Variants in CORO2B observed in about 807,000 individuals in gnomAD.
CORO2B encodes coronin-2B.
A neutral mutation model predicts 58.8 loss-of-function variants in CORO2B; 26 were observed. The observed-to-expected ratio is 0.44, with a 90% CI of 0.32 to 0.61. The LOEUF is 0.61. Among genes scored for constraint, CORO2B ranks in the 20% least tolerant of loss-of-function variants. CORO2B has a pLI of 0.04. For missense variants in CORO2B, 460 were observed against 645.1 expected, an observed-to-expected ratio of 0.71 and a Z score of 3.11; for synonymous variants, 242 against 253.8, an observed-to-expected ratio of 0.95 and a Z score of 0.44.
chr15:68,657,300 T>C (rs1458256747), intron 2 of CORO2B, among the ~76,000 whole-genome samples: 2 of 152,100 alleles, frequency 1.3e-5, no homozygotes, highest in Admixed American at 1.3e-4. Context: ...AAGGATTGCT[T>C]GAGTGCAGGA....
At chr15:68,521,243 A>G in the CORO2B span, among the ~76,000 whole-genome samples, 1 of 152,076 alleles carries the variant, frequency 6.6e-6, no homozygotes. Context: ...TCATTATTCC[A>G]TCTCCCCCAT....
intron 1 of CORO2B, among the ~76,000 whole-genome samples, chr15:68,595,879 C>T (rs866973108): frequency 2.4e-4 from 36 of 152,242 alleles, no homozygotes; most frequent in South Asian, 4.1e-4. Flanking sequence ...TGAGACGGAG[C>T]GGGCGTCTGG....
chr15:68,548,245 C>T, the CORO2B span, among the ~76,000 whole-genome samples: 1 of 151,100 alleles, frequency 6.6e-6, no homozygotes, highest in African/African-American at 2.4e-5. Flanking sequence ...ACATCTAATT[C>T]TTTTCTTTTA....
intron 1 of CORO2B, among the ~76,000 whole-genome samples, chr15:68,627,423 G>C (rs148644582): frequency 3.3e-5 from 5 of 152,192 alleles, no homozygotes; most frequent in Non-Finnish European, 5.9e-5. Flanking sequence ...GTGTGTTGGT[G>C]GGGGGTGGTC....
Position 68,711,599 on chromosome 15 carries a change from G to C in CORO2B, c.541G>C (p.Asp181His). ...EPVKMIDCHT[D>H]VILCMSFNTD... ...GGTGAAGATGATTGACTGCCACACG[G>C]ATGTGATCCTCTGCATGTCCTTCAA... Residue 181 changes from aspartate (D) to histidine (H), a missense_variant, in exon 5 of 12, where the codon GAT (aspartate) becomes CAT (histidine). Around this residue, in one of 2 missense-constraint regions of CORO2B, gnomAD observed 352 missense variants for 543.0 expected, o/e 0.65. Transcript: ENST00000261861. 2 of 1,614,104 alleles carry C rather than the reference G, an allele frequency of 1.2e-6. No homozygotes were observed. Among genetic ancestry groups the C allele is most frequent in the Non-Finnish European group, 1.7e-6 (2 of 1,179,980 alleles).
intron 3 of CORO2B, among the ~76,000 whole-genome samples, chr15:68,705,114 C>T (rs1425901070): frequency 3.9e-5 from 6 of 152,102 alleles, no homozygotes; most frequent in Non-Finnish European, 7.4e-5. Context: ...AAGCAGAGCC[C>T]GTCTCCTTCT....
At chr15:68,576,374 C>T (rs1899288524), upstream of CORO2B, among the ~76,000 whole-genome samples, 1 of 152,038 alleles carries the variant, frequency 6.6e-6, no homozygotes, top group South Asian at 2.1e-4. Flanking sequence ...CTTTGGAGAA[C>T]ATCACATGGG....
chr15:68,645,060 C>T lies in CORO2B; in HGVS notation c.16-100C>T, dbSNP rs1901377479. 19 of 1,249,276 alleles carry T rather than the reference C, an allele frequency of 1.5e-5. 1 individual carries two copies. In the South Asian group the frequency reaches 2.3e-4, roughly 15 times the overall value. The allele number at this position is 1,249,276 out of a possible 1,614,324, so 77.4% of individuals were successfully genotyped here. ...AGGGGACCCAGGGCCTGCTCACCTG[C>T]TGCACCTCTGAGCCGCAGCTTCCCT... On this transcript the variant is annotated intron_variant, in intron 1 of 11. Coordinates refer to ENST00000261861, the MANE Select transcript of CORO2B (RefSeq NM_006091.5). The surrounding 1 kb of genome is among the most constrained non-coding windows in gnomAD (Gnocchi z 4.5).
At chr15:68,519,731 CT>C in the CORO2B span, among the ~76,000 whole-genome samples, 9 of 152,222 alleles carry the variant, frequency 5.9e-5, no homozygotes, top group African/African-American at 2.2e-4. Context: ...GCTTGCCATT[CT>C]TTTTCTAATG....
At chr15:68,634,735 T>C (rs992876744) in intron 1 of CORO2B, among the ~76,000 whole-genome samples, 2 of 152,196 alleles carry the variant, frequency 1.3e-5, no homozygotes, top group African/African-American at 4.8e-5. Context: ...CGGGTAATTG[T>C]GATGCACCTG....
At chr15:68,600,414 A>G (rs1429795372) in intron 1 of CORO2B, among the ~76,000 whole-genome samples, 1 of 152,064 alleles carries the variant, frequency 6.6e-6, no homozygotes, top group Non-Finnish European at 1.5e-5. Flanking sequence ...AGTACACACT[A>G]TGCTCCCTTC....
chr15:68,713,778 T>A (rs935380062), intron 5 of CORO2B, 147 bp from the exon 6 acceptor site: 1 of 630,876 alleles, frequency 1.6e-6, no homozygotes, highest in Non-Finnish European at 2.9e-6. Flanking sequence ...CTTAACCACA[T>A]CTGCAAGGAC....
chr15:68,525,340 T>C, the CORO2B span, among the ~76,000 whole-genome samples: 1 of 152,202 alleles, frequency 6.6e-6, no homozygotes, highest in African/African-American at 2.4e-5. Context: ...GAGCTTTCTG[T>C]GAAACATTGC....
intron 1 of CORO2B, among the ~76,000 whole-genome samples, chr15:68,582,340 A>G (rs1419006285): frequency 2.0e-5 from 3 of 152,168 alleles, no homozygotes; most frequent in African/African-American, 7.2e-5. Context: ...AGAAAAAGGG[A>G]AGAAAGAGTG....
At chr15:68,646,469 C>T (rs1037517830) in intron 2 of CORO2B, among the ~76,000 whole-genome samples, 2 of 152,148 alleles carry the variant, frequency 1.3e-5, no homozygotes, top group African/African-American at 4.8e-5. Flanking sequence ...TCCAGTCTCT[C>T]CTACCCACAG....
the CORO2B span, among the ~76,000 whole-genome samples, chr15:68,526,631 G>T: frequency 2.0e-5 from 3 of 152,040 alleles, no homozygotes; most frequent in African/African-American, 7.2e-5. Flanking sequence ...ATAAATTCAG[G>T]ATATAATGTT....
intron 5 of CORO2B, among the ~76,000 whole-genome samples, chr15:68,712,642 C>CATG (rs1892946689): frequency 6.6e-6 from 1 of 152,150 alleles, no homozygotes. Flanking sequence ...AGTTGCTTAG[C>CATG]ATGATTAGTG....
intron 1 of CORO2B, among the ~76,000 whole-genome samples, chr15:68,596,362 A>C (rs901888634): frequency 2.9e-4 from 1 of 3,394 alleles, no homozygotes; most frequent in Non-Finnish European, 5.9e-4. Flanking sequence ...CATGGGGGGT[A>C]GGGGGTGGGG....
chr15:68,526,323 A>G, the CORO2B span, among the ~76,000 whole-genome samples: 1 of 152,200 alleles, frequency 6.6e-6, no homozygotes, highest in East Asian at 1.9e-4. Context: ...ATGTATATTT[A>G]AGTTTATAAG....
Sources: allele counts gnomAD v4.1 joint callset (sites outside exome capture counted in the v4.1 genomes callset), GRCh38; gene constraint gnomAD v4.1.1; regional missense constraint gnomAD v4.1.1; non-coding constraint Gnocchi (gnomAD v3.1); transcripts MANE v1.5; gene names NCBI Gene and HGNC (gene_info 2026-07-23, HGNC 2026-07-21).